TTLL9: variants seen among roughly 807,000 people sequenced by gnomAD.
TTLL9 encodes the protein probable tubulin polyglutamylase TTLL9.
Under a neutral mutation model 65.6 loss-of-function variants are expected in TTLL9, and 47 were observed. The ratio of observed to expected loss-of-function variants is 0.72; its 90% CI spans 0.57 to 0.91. TTLL9 has a LOEUF of 0.91. Among genes scored for constraint, TTLL9 ranks in the 40% least tolerant of loss-of-function variants. TTLL9 has a pLI of 0.00. For missense variants in TTLL9, 537 were observed against 568.8 expected (o/e 0.94, Z 0.57); for synonymous variants, 179 against 204.8 (o/e 0.87, Z 1.07).
At chr20:31,881,692 A>G (rs1351040652) in intron 2 of TTLL9, among the ~76,000 whole-genome samples, 1 of 150,264 alleles carries the variant, frequency 6.7e-6, no homozygotes, top group Non-Finnish European at 1.5e-5. Flanking sequence ...TGAAGCTTCA[A>G]CCTCTTGGGC....
Position 31,939,162 on chromosome 20 carries a change from G to A in TTLL9, c.1139G>A (p.Arg380Gln), listed in dbSNP as rs774289542. 1.5e-5 allele frequency: 24 copies of A among 1,598,316 alleles called. No individual in the cohort carries two copies. The highest frequency in any genetic ancestry group is 4.5e-5 in the East Asian group (2 of 44,174). ...MEARLTGREK[R>Q]VGGFDLMWND... Reference sequence around the variant, plus strand: ...TCCAGGCTCACGGGAAGGGAGAAGCGAGTCGGGGGCTTTGACCTCATGTGG... The same window carrying A: ...TCCAGGCTCACGGGAAGGGAGAAGCAAGTCGGGGGCTTTGACCTCATGTGG... Residue 380 changes from arginine to glutamine, a missense_variant, in exon 14 of 15, where the codon CGA (arginine) becomes CAA (glutamine). Arg to Gln is a conservative substitution (Grantham distance 43). This residue lies in a region of TTLL9 where 205 missense variants were observed against 225.9 expected (regional missense o/e 0.91). Transcript: ENST00000535842.
At chr20:31,912,603 A>ATG (rs61107814) in intron 6 of TTLL9, among the ~76,000 whole-genome samples, 11,214 of 140,932 alleles carry the variant, frequency 0.08, 484 homozygotes, top group Non-Finnish European at 0.11. Flanking sequence ...GTGTATGTGT[A>ATG]TGTGTGTGTG....
At chr20:31,879,846 G>C in intron 2 of TTLL9, 1 of 1,550,068 alleles carries the variant, frequency 6.5e-7, no homozygotes, top group African/African-American at 1.4e-5. Flanking sequence ...CGAGGCGCGC[G>C]GTGGCGGTTT....
chr20:31,890,472 A>C (rs1472833028), intron 3 of TTLL9, among the ~76,000 whole-genome samples: 1 of 152,046 alleles, frequency 6.6e-6, no homozygotes, highest in Non-Finnish European at 1.5e-5. Context: ...TGTGTATCGC[A>C]AGTTATTTAC....
intron 2 of TTLL9, among the ~76,000 whole-genome samples, chr20:31,880,931 T>C (rs1209237229): frequency 6.7e-6 from 1 of 148,934 alleles, no homozygotes; most frequent in African/African-American, 2.5e-5. Flanking sequence ...CTTGGCTCAG[T>C]CGACTTCCTG....
At position 31,882,558 on chromosome 20, in the gene TTLL9, G is replaced by A. The variant is rs375946489; in HGVS notation, c.70-4638G>A. ...GGCACCAACGAGAAATAAAATTAAA[G>A]TTCTCTGTTTGTAGCCCATACAAGC... On this transcript the variant is annotated intron_variant, in intron 2 of 14. Coordinates refer to ENST00000535842, the MANE Select transcript of TTLL9 (RefSeq NM_001008409.5). 8.5e-5 allele frequency among the ~76,000 whole-genome samples: 13 copies of A among 152,086 alleles called. No individual in the cohort carries two copies. In the East Asian group the frequency reaches 1.4e-3, roughly 16 times the overall value.
rs367906857 is a variant in TTLL9 at position 31,937,417 on chromosome 20, G to A, written c.1026G>A (p.Ala342=). ...DLKPWLLEVN[A]SPSLTASSQE... ...CCAGGTGGCTCCTGGAGGTCAATGC[G>A]TCCCCATCACTGACAGCCAGCAGCC... Residue 342 remains alanine, a synonymous_variant, in exon 13 of 15, where the codon GCG becomes GCA. Transcript: ENST00000535842. 130 of 1,613,512 alleles carry A rather than the reference G, an allele frequency of 8.1e-5. No individual in the cohort carries two copies. The highest frequency in any genetic ancestry group is 8.0e-4 in the African/African-American group (60 of 74,930).
chr20:31,873,992 C>A (rs2063003972), intron 2 of TTLL9, among the ~76,000 whole-genome samples: 7 of 152,232 alleles, frequency 4.6e-5, no homozygotes, highest in Admixed American at 2.6e-4. Flanking sequence ...TTAATTTACC[C>A]ATAGAGGGGC....
chr20:31,918,959 C>T lies in TTLL9; in HGVS notation c.505-905C>T, dbSNP rs529346375. Among the ~76,000 whole-genome samples, 5 of 152,338 alleles carry T rather than the reference C, an allele frequency of 3.3e-5. No individual in the cohort carries two copies. The South Asian group carries it at 1.0e-3, about 32-fold the overall frequency. On this transcript the variant is annotated intron_variant, in intron 6 of 14. Transcript: ENST00000535842. ...CAACCTGTACAACCACACCTGGCAG[C>T]CCTGCATGCCCCTATCTTGTACAGA...
chr20:31,931,473 AC>A (rs2064010101), intron 10 of TTLL9, among the ~76,000 whole-genome samples: 2 of 151,768 alleles, frequency 1.3e-5, no homozygotes, highest in African/African-American at 4.8e-5. Context: ...ACAGGGTTTC[AC>A]CCTGTTGCCC....
intron 13 of TTLL9, among the ~76,000 whole-genome samples, chr20:31,938,735 G>T (rs2064157808): frequency 6.6e-6 from 1 of 152,104 alleles, no homozygotes; most frequent in South Asian, 2.1e-4. Flanking sequence ...AAAATTAGCT[G>T]GGTGTGGTGG....
At chr20:31,913,170 A>G (rs1030560879) in intron 6 of TTLL9, among the ~76,000 whole-genome samples, 1 of 152,172 alleles carries the variant, frequency 6.6e-6, no homozygotes. Context: ...AAAAAAATTA[A>G]TAATTGTAGA....
At chr20:31,906,680 C>T (rs1291838831) in intron 4 of TTLL9, among the ~76,000 whole-genome samples, 2 of 151,928 alleles carry the variant, frequency 1.3e-5, no homozygotes, top group Non-Finnish European at 2.9e-5. Context: ...GATGGGGTCT[C>T]ACTCTGTCAC....
At chr20:31,879,469 C>A (rs1568731992) in intron 2 of TTLL9, 1 of 190,986 alleles carries the variant, frequency 5.2e-6, no homozygotes, top group Non-Finnish European at 1.1e-5. Flanking sequence ...TACCGACTGA[C>A]CAACTGACCA....
At position 31,934,694 on chromosome 20, in the gene TTLL9, C is replaced by T. The variant is rs751919570; in HGVS notation, c.810C>T (p.Gly270=). 3.1e-6 allele frequency: 5 copies of T among 1,609,244 alleles called. No individual in the cohort carries two copies. The highest frequency in any genetic ancestry group is 4.2e-6 in the Non-Finnish European group (5 of 1,178,362). ...KTSPDYHPKK[G]CKWTLQRFRQ... is the part of the protein sequence containing the mutation. ...CGACCCGGCTGCCCGGGGCCCAGGGCTGCAAGTGGACGCTGCAGCGCTTCC... is the reference window on the plus strand; with the variant it reads ...CGACCCGGCTGCCCGGGGCCCAGGGTTGCAAGTGGACGCTGCAGCGCTTCC... Residue 270 remains glycine, a splice_region_variant and synonymous_variant, in exon 12 of 15, where the codon GGC becomes GGT. Coordinates refer to ENST00000535842, the MANE Select transcript of TTLL9 (RefSeq NM_001008409.5).
intron 8 of TTLL9, among the ~76,000 whole-genome samples, chr20:31,924,807 C>A (rs941753684): frequency 1.3e-5 from 2 of 151,978 alleles, no homozygotes; most frequent in African/African-American, 4.8e-5. Context: ...GGATTCCTGG[C>A]CTCAAGCGAT....
intron 10 of TTLL9, among the ~76,000 whole-genome samples, chr20:31,930,000 C>T (rs747789507): frequency 2.2e-4 from 33 of 152,110 alleles, no homozygotes; most frequent in Non-Finnish European, 3.8e-4. Context: ...TGGTGGCAGG[C>T]GCCTGTAATC....
At chr20:31,931,425 G>A (rs116309082) in intron 10 of TTLL9, among the ~76,000 whole-genome samples, 2,289 of 152,080 alleles carry the variant, frequency 0.015, 60 homozygotes, top group African/African-American at 0.051. Flanking sequence ...ATAGATGCTC[G>A]CTTCCACGCC....
At chr20:31,925,810 G>T (rs1007907022) in intron 9 of TTLL9, 9 of 1,428,734 alleles carry the variant, frequency 6.3e-6, no homozygotes, top group Non-Finnish European at 6.8e-6. Context: ...GAGCTAGGCG[G>T]TGTGAGAGTG....
Sources: allele counts gnomAD v4.1 joint callset (sites outside exome capture counted in the v4.1 genomes callset), GRCh38; gene constraint gnomAD v4.1.1; regional missense constraint gnomAD v4.1.1; transcripts MANE v1.5; gene names NCBI Gene and HGNC (gene_info 2026-07-23, HGNC 2026-07-21).